IRS1: variants seen among roughly 807,000 people sequenced by gnomAD.
IRS1 encodes the protein insulin receptor substrate 1.
IRS1 carries 34 observed loss-of-function variants against 65.6 expected under a neutral mutation model. The ratio of observed to expected loss-of-function variants is 0.52; its 90% CI spans 0.39 to 0.69. IRS1 has a LOEUF of 0.69. Ranked by LOEUF, IRS1 falls within the 30% of genes least tolerant of loss-of-function variation. The pLI, the probability that IRS1 is intolerant of heterozygous loss-of-function variation, is 0.00. For missense variants in IRS1, 1,641 were observed against 1,720.2 expected (o/e 0.95, Z 0.81); for synonymous variants, 699 against 683.5 (o/e 1.02, Z -0.35).
chr2:226,790,231 G>A (rs955370085), intron 1 of IRS1, among the ~76,000 whole-genome samples: 8 of 152,112 alleles, frequency 5.3e-5, no homozygotes, highest in South Asian at 2.1e-4. Context: ...GCTAGTGAAG[G>A]GCACAGGCTG....
chr2:226,759,018 TG>T (rs1938861447), intron 1 of IRS1, among the ~76,000 whole-genome samples: 1 of 152,232 alleles, frequency 6.6e-6, no homozygotes, highest in Non-Finnish European at 1.5e-5. Context: ...CACTTCTATT[TG>T]TGTCCAGAGT....
At position 226,794,467 on chromosome 2, in the gene IRS1, T is replaced by C. The variant is rs569832346; in HGVS notation, c.*21+522A>G. 1.8e-4 allele frequency among the ~76,000 whole-genome samples: 27 copies of C among 152,366 alleles called. No individual in the cohort carries two copies. In the East Asian group the frequency reaches 4.0e-3, roughly 23 times the overall value. The stretch of plus-strand genomic sequence containing the variant: ...ATGAATAGAAATCAATGCTTCCCGC[T>C]GCTGTTTATGTTGCCCTAGTATTAT... On this transcript the variant is annotated intron_variant, in intron 1 of 1. Transcript: ENST00000305123. This position sits in a 1 kb window ranked among gnomAD's most constrained non-coding sequence, Gnocchi z 4.1.
At chr2:226,779,150 C>A (rs1349063084) in intron 1 of IRS1, among the ~76,000 whole-genome samples, 1 of 152,166 alleles carries the variant, frequency 6.6e-6, no homozygotes, top group Non-Finnish European at 1.5e-5. Context: ...CGACTCCCTA[C>A]CAAGATCTTC....
chr2:226,787,215 T>C (rs990616002), intron 1 of IRS1, among the ~76,000 whole-genome samples: 1 of 152,128 alleles, frequency 6.6e-6, no homozygotes, highest in East Asian at 1.9e-4. Flanking sequence ...TTTTTGTCAA[T>C]ATTATGTTTG....
At position 226,734,736 on chromosome 2, in the gene IRS1, A is replaced by T. The variant is rs1441243357; in HGVS notation, c.*1536T>A. 1 of 152,254 alleles carries T rather than the reference A, an allele frequency of 6.6e-6. No individual in the cohort carries two copies. Among genetic ancestry groups the T allele is most frequent in the Non-Finnish European group, 1.5e-5 (1 of 68,044 alleles). 9.4% of individuals were successfully genotyped at this position (152,254 alleles called of 1,614,324 possible). ...AGGAAGTTTCCTGGTAAAAAGATTT[A>T]AAAATCTGTCGGCAATATCTTTAAA... is the stretch of plus-strand genomic sequence containing the variant. On this transcript the variant is annotated 3_prime_UTR_variant, in exon 2 of 2. Coordinates refer to ENST00000305123, the MANE Select transcript of IRS1 (RefSeq NM_005544.3).
chr2:226,799,365 T>TTGCTGCTGC lies in IRS1; in HGVS notation c.-636_-628dup, dbSNP rs769109350. On this transcript the variant is annotated 5_prime_UTR_variant, in exon 1 of 2. Coordinates refer to ENST00000305123, the MANE Select transcript of IRS1 (RefSeq NM_005544.3). This position sits in a 1 kb window ranked among gnomAD's most constrained non-coding sequence, Gnocchi z 6.1. Reference sequence around the variant, plus strand: ...GACCGCGGCGCTGCGGCTGTTGCTGTTGCTGCTGCTGCTGCTGCTGCTGCT... The same window carrying TTGCTGCTGC: ...GACCGCGGCGCTGCGGCTGTTGCTGTTGCTGCTGCTGCTGCTGCTGCTGCTGCTGCTGCT... 1.1e-4 allele frequency: 141 copies of TTGCTGCTGC among 1,239,852 alleles called. 4 individuals carry two copies. The highest frequency in any genetic ancestry group is 1.0e-3 in the East Asian group (14 of 13,426). 76.8% of individuals were successfully genotyped at this position (1,239,852 alleles called of 1,614,324 possible). A position where few individuals can be genotyped will look rare whatever the true frequency, so the allele number is the denominator to read the frequency against.
Position 226,796,947 on chromosome 2 carries a change from G to A in IRS1, c.1792C>T (p.His598Tyr). Reference sequence around the variant, plus strand: ...AGGGTGGAGCTGTCTGGGCGGTGGTGCCCCCCCCGACGCTCCAAGGGGTGC... The same window carrying A: ...AGGGTGGAGCTGTCTGGGCGGTGGTACCCCCCCCGACGCTCCAAGGGGTGC... ...EMHPLERRGG[H>Y]HRPDSSTLHT... The change falls in exon 1 of 2, where the codon CAC becomes TAC. Residue 598 changes from histidine (H) to tyrosine (Y), a missense_variant. Around this residue, in one of 3 missense-constraint regions of IRS1, gnomAD observed 1,324 missense variants for 1,361.0 expected, o/e 0.97. Coordinates refer to ENST00000305123, the MANE Select transcript of IRS1 (RefSeq NM_005544.3). The A allele has an allele frequency of 1.9e-6, 3 of 1,556,534 alleles. No individual in the cohort carries two copies. Among genetic ancestry groups the A allele is most frequent in the Non-Finnish European group, 8.7e-7 (1 of 1,148,312 alleles).
intron 1 of IRS1, among the ~76,000 whole-genome samples, chr2:226,772,765 C>G (rs561573502): frequency 1.3e-5 from 2 of 151,210 alleles, no homozygotes; most frequent in South Asian, 4.2e-4. Context: ...AGAACTGAAA[C>G]CTAAAGCTTA....
In IRS1 at chr2:226,799,004, C is replaced by A; in HGVS notation, c.-266G>T. ...CAGTGCGTCCGGGGTGAGGGCAGCC[C>A]CGATCCTCCGAGAGCCAAGTCTCCT... On this transcript the variant is annotated 5_prime_UTR_variant, in exon 1 of 2. Coordinates refer to ENST00000305123, the MANE Select transcript of IRS1 (RefSeq NM_005544.3). This position sits in a 1 kb window ranked among gnomAD's most constrained non-coding sequence, Gnocchi z 6.1. The A allele has an allele frequency of 7.0e-7, 1 of 1,422,950 alleles. No homozygotes were observed. The highest frequency in any genetic ancestry group is 1.4e-5 in the African/African-American group (1 of 69,046). The allele number at this position is 1,422,950 out of a possible 1,614,324, so 88.1% of individuals were successfully genotyped here.
At chr2:226,756,431 T>A (rs1938802540) in intron 1 of IRS1, among the ~76,000 whole-genome samples, 1 of 152,158 alleles carries the variant, frequency 6.6e-6, no homozygotes, top group Non-Finnish European at 1.5e-5. Flanking sequence ...TCCAAAGAAC[T>A]GGCTCTGGTG....
In IRS1 at chr2:226,797,069, G is replaced by A. The variant is rs573067324; in HGVS notation, c.1670C>T (p.Ala557Val). 25 of 1,612,340 alleles carry A rather than the reference G, an allele frequency of 1.6e-5. 1 individual carries two copies. In the South Asian group the frequency reaches 2.5e-4, roughly 16 times the overall value. The change falls in exon 1 of 2, where the codon GCC becomes GTC. Residue 557 changes from alanine (A) to valine (V), a missense_variant. Ala to Val is a moderately conservative substitution (Grantham distance 64, BLOSUM62 0). Around this residue, in one of 3 missense-constraint regions of IRS1, gnomAD observed 1,324 missense variants for 1,361.0 expected, o/e 0.97. Coordinates refer to ENST00000305123, the MANE Select transcript of IRS1 (RefSeq NM_005544.3). The surrounding 1 kb of genome is among the most constrained non-coding windows in gnomAD (Gnocchi z 8.1). ...TCCACTGCCACCTCCTGGTGGGTAG[G>A]CAGGCATCATCTCTGTGTACTCCTC... The part of the protein sequence containing the change: ...SIEEYTEMMP[A>V]YPPGGGSGGR...
At chr2:226,791,887 G>A (rs1939617553) in intron 1 of IRS1, among the ~76,000 whole-genome samples, 1 of 152,128 alleles carries the variant, frequency 6.6e-6, no homozygotes, top group Non-Finnish European at 1.5e-5. Context: ...AGACCCGAGG[G>A]CGGTCTGGCT....
At chr2:226,758,239 A>T (rs1938844158) in intron 1 of IRS1, among the ~76,000 whole-genome samples, 1 of 152,168 alleles carries the variant, frequency 6.6e-6, no homozygotes, top group South Asian at 2.1e-4. Context: ...TGTTATATAA[A>T]TTATTACTGC....
chr2:226,732,052 C>CACCTAAGTCATG lies in IRS1; in HGVS notation c.*4208_*4219dup, dbSNP rs1482835507. On this transcript the variant is annotated 3_prime_UTR_variant, in exon 2 of 2. Transcript: ENST00000305123. ...AAACTAGAAAAGAAAGCTAACTCTC[C>CACCTAAGTCATG]ACCTAAGTCATGTGTTTTCTAGTCA... The CACCTAAGTCATG allele has an allele frequency of 6.6e-6, 1 of 152,162 alleles. No individual in the cohort carries two copies. Among genetic ancestry groups the CACCTAAGTCATG allele is most frequent in the African/African-American group, 2.4e-5 (1 of 41,452 alleles). The allele number at this position is 152,162 out of a possible 1,614,324, so 9.4% of individuals were successfully genotyped here. A position where few individuals can be genotyped will look rare whatever the true frequency, so the allele number is the denominator to read the frequency against.
chr2:226,744,886 G>A (rs898972909), intron 1 of IRS1, among the ~76,000 whole-genome samples: 1 of 152,006 alleles, frequency 6.6e-6, no homozygotes, highest in Non-Finnish European at 1.5e-5. Flanking sequence ...AGAATATCAG[G>A]GGGAAAACGT....
At chr2:226,753,445 C>T (rs1481661600) in intron 1 of IRS1, among the ~76,000 whole-genome samples, 1 of 152,092 alleles carries the variant, frequency 6.6e-6, no homozygotes, top group Non-Finnish European at 1.5e-5. Flanking sequence ...AGAATCATAC[C>T]ATATTCTAAA....
chr2:226,787,257 C>G (rs939624314), intron 1 of IRS1, among the ~76,000 whole-genome samples: 2 of 152,072 alleles, frequency 1.3e-5, no homozygotes, highest in Admixed American at 1.3e-4. Flanking sequence ...GGCCATTCTT[C>G]CAAATGAGAG....
At chr2:226,755,551 CA>C (rs1938779982) in intron 1 of IRS1, among the ~76,000 whole-genome samples, 1 of 152,184 alleles carries the variant, frequency 6.6e-6, no homozygotes. Context: ...TATTATAGAG[CA>C]TAGAATACAA....
At chr2:226,737,340 C>T (rs1938347624) in intron 1 of IRS1, among the ~76,000 whole-genome samples, 1 of 151,998 alleles carries the variant, frequency 6.6e-6, no homozygotes, top group African/African-American at 2.4e-5. Flanking sequence ...TCCAGTCTAT[C>T]ATTGTTGGAC....
Sources: gnomAD v4.1 joint callset for allele counts (sites outside exome capture counted in the v4.1 genomes callset) on GRCh38, gnomAD v4.1.1 for gene constraint, gnomAD v4.1.1 regional missense constraint, Gnocchi (gnomAD v3.1) non-coding constraint, MANE v1.5 for transcripts, NCBI Gene and HGNC (gene_info 2026-07-23, HGNC 2026-07-21) for gene names.